MCC: variants seen among roughly 807,000 people sequenced by gnomAD.
MCC encodes the protein MCC regulator of Wnt signaling pathway.
Under a neutral mutation model 116.2 loss-of-function variants are expected in MCC, and 90 were observed. The ratio of observed to expected loss-of-function variants is 0.77; its 90% CI spans 0.65 to 0.92. The LOEUF (loss-of-function observed/expected upper bound fraction) is 0.92, where lower values mean the gene tolerates loss of function less well. Among genes scored for constraint, MCC ranks in the 40% least tolerant of loss-of-function variants. MCC has a pLI of 0.00. For synonymous variants in MCC, 578 were observed against 510.5 expected, an observed-to-expected ratio of 1.13 and a Z score of -1.78; for missense variants, 1,516 against 1,312.2, an observed-to-expected ratio of 1.16 and a Z score of -2.40.
At chr5:113,457,204 AGGTGGGCCTGGGCTT>A (rs1771584902) in intron 1 of MCC, among the ~76,000 whole-genome samples, 1 of 152,210 alleles carries the variant, frequency 6.6e-6, no homozygotes, top group African/African-American at 2.4e-5. Context: ...CTGGAGTTCC[AGGTGGGCCTGGGCTT>A]GGCGGGCCCC....
chr5:113,086,491 G>C (rs1352399073), intron 8 of MCC, among the ~76,000 whole-genome samples: 1 of 152,180 alleles, frequency 6.6e-6, no homozygotes, highest in Non-Finnish European at 1.5e-5. Flanking sequence ...TAGTAGGTAG[G>C]AACGTCTAAA....
intron 14 of MCC, among the ~76,000 whole-genome samples, chr5:113,061,230 G>A (rs193203803): frequency 6.6e-6 from 1 of 152,092 alleles, no homozygotes; most frequent in Non-Finnish European, 1.5e-5. Flanking sequence ...AGCTCTCCAG[G>A]GTCCCCACCT....
chr5:113,427,012 G>A (rs10038504), intron 1 of MCC, among the ~76,000 whole-genome samples: 17,546 of 152,048 alleles, frequency 0.12, 1,764 homozygotes, highest in African/African-American at 0.27. Flanking sequence ...ATTTAATCAT[G>A]TCTTGTCTTA....
At chr5:113,171,545 G>C (rs979905373) in intron 3 of MCC, among the ~76,000 whole-genome samples, 1 of 152,002 alleles carries the variant, frequency 6.6e-6, no homozygotes. Context: ...AATAGAGACA[G>C]GGTTTCACCA....
intron 3 of MCC, among the ~76,000 whole-genome samples, chr5:113,322,364 A>G (rs1358186955): frequency 1.3e-5 from 2 of 152,130 alleles, no homozygotes; most frequent in African/African-American, 4.8e-5. Context: ...CTGCATGAAA[A>G]CTTCTTTTCA....
intron 2 of MCC, among the ~76,000 whole-genome samples, chr5:113,374,457 A>G (rs1379364704): frequency 2.0e-5 from 3 of 152,152 alleles, no homozygotes; most frequent in Admixed American, 6.5e-5. Flanking sequence ...GAAACCTTCA[A>G]TGAAGCATTT....
At chr5:113,115,777 TTGATCACC>T (rs1757359751) in intron 6 of MCC, among the ~76,000 whole-genome samples, 1 of 152,184 alleles carries the variant, frequency 6.6e-6, no homozygotes, top group Admixed American at 6.5e-5. Flanking sequence ...TATTTGACTA[TTGATCACC>T]TGAATTGGCA....
chr5:113,068,123 G>A lies in MCC; in HGVS notation c.1986C>T (p.Leu662=). The part of the protein sequence containing the change: ...LLALAESEQS[L]ILGQFRAAGV... ...CCGCCGCTCGGAACTGCCCCAGGAT[G>A]AGGCTCTGCTCACTCTCTGCCAGCG... The change falls in exon 13 of 19, where the codon CTC becomes CTT. Residue 662 remains leucine, a synonymous_variant. Transcript: ENST00000408903. The A allele has an allele frequency of 1.9e-6, 3 of 1,614,216 alleles. No individual in the cohort carries two copies. The highest frequency in any genetic ancestry group is 1.3e-5 in the African/African-American group (1 of 75,046).
intron 14 of MCC, among the ~76,000 whole-genome samples, chr5:113,059,337 G>C (rs542553664): frequency 3.3e-5 from 5 of 152,156 alleles, no homozygotes; most frequent in Admixed American, 6.5e-5. Flanking sequence ...TCTGCTTTGA[G>C]CTCTTAACGT....
chr5:113,245,736 G>A (rs969272632), intron 3 of MCC, among the ~76,000 whole-genome samples: 2 of 152,152 alleles, frequency 1.3e-5, no homozygotes, highest in East Asian at 1.9e-4. Context: ...TATTTTCTCC[G>A]TTTTTCATCC....
chr5:113,437,366 C>T (rs866001434), intron 1 of MCC, among the ~76,000 whole-genome samples: 4 of 152,094 alleles, frequency 2.6e-5, no homozygotes, highest in Non-Finnish European at 5.9e-5. Context: ...GAGTGATCAT[C>T]GCAAAGAAAG....
At chr5:113,314,640 T>A (rs1307927396) in intron 3 of MCC, among the ~76,000 whole-genome samples, 2 of 152,134 alleles carry the variant, frequency 1.3e-5, no homozygotes, top group Non-Finnish European at 2.9e-5. Flanking sequence ...CAGGCTGGAG[T>A]GCAATGGCGT....
chr5:113,236,955 A>G (rs1764157899), intron 3 of MCC, among the ~76,000 whole-genome samples: 1 of 152,210 alleles, frequency 6.6e-6, no homozygotes, highest in South Asian at 2.1e-4. Flanking sequence ...ATATACTGAA[A>G]GAAATTAGAC....
intron 3 of MCC, among the ~76,000 whole-genome samples, chr5:113,267,909 T>TA (rs1765477709): frequency 1.3e-5 from 2 of 152,168 alleles, no homozygotes; most frequent in African/African-American, 4.8e-5. Flanking sequence ...ATATGTCTTA[T>TA]AAAAAAGGTA....
chr5:113,362,259 T>G (rs903141438), intron 2 of MCC, among the ~76,000 whole-genome samples: 10 of 152,202 alleles, frequency 6.6e-5, no homozygotes, highest in Non-Finnish European at 1.5e-4. Context: ...ACTCCTGACC[T>G]CAAGTGATCT....
Position 113,380,330 on chromosome 5 carries a change from C to G in MCC, c.415+4638G>C, listed in dbSNP as rs1261488541. Among the ~76,000 whole-genome samples, 5 of 152,204 alleles carry G rather than the reference C, an allele frequency of 3.3e-5. No individual in the cohort carries two copies. In the East Asian group the frequency reaches 7.7e-4, roughly 23 times the overall value. The stretch of plus-strand genomic sequence containing the variant: ...GCTCCTCTTACAGAGCAGACCATAA[C>G]TTCTGTACCATTCGATGGCTTCCAA... On this transcript the variant is annotated intron_variant, in intron 2 of 18. Transcript: ENST00000408903.
At chr5:113,136,245 G>C (rs1199818793) in intron 5 of MCC, among the ~76,000 whole-genome samples, 1 of 152,134 alleles carries the variant, frequency 6.6e-6, no homozygotes, top group African/African-American at 2.4e-5. Flanking sequence ...TAGCATCTCA[G>C]CTGGTTAGAA....
intron 3 of MCC, among the ~76,000 whole-genome samples, chr5:113,192,154 C>T (rs1483244808): frequency 6.6e-6 from 1 of 152,186 alleles, no homozygotes; most frequent in Non-Finnish European, 1.5e-5. Context: ...CTTCCTTCAC[C>T]ATGGCACCCA....
intron 17 of MCC, among the ~76,000 whole-genome samples, chr5:113,037,361 T>C (rs560513403): frequency 6.6e-6 from 1 of 152,292 alleles, no homozygotes; most frequent in East Asian, 1.9e-4. Flanking sequence ...TCGAAGGCAC[T>C]GGTAACAGTC....
Sources: gnomAD v4.1 joint callset for allele counts (sites outside exome capture counted in the v4.1 genomes callset) on GRCh38, gnomAD v4.1.1 for gene constraint, MANE v1.5 for transcripts, NCBI Gene and HGNC (gene_info 2026-07-23, HGNC 2026-07-21) for gene names.